Variants in STK33 observed in about 807,000 individuals in gnomAD.
STK33 encodes the protein serine/threonine kinase 33, also known as serine/threonine-protein kinase 33.
A neutral mutation model predicts 58.0 loss-of-function variants in STK33; 52 were observed. The observed-to-expected ratio is 0.90, with a 90% CI of 0.72 to 1.13. The LOEUF (loss-of-function observed/expected upper bound fraction) is 1.13, where lower values mean the gene tolerates loss of function less well. STK33 is among the 50% of genes most tolerant of loss of function. The pLI, the probability that STK33 is intolerant of heterozygous loss-of-function variation, is 0.00. For missense variants in STK33, 630 were observed against 604.2 expected, an observed-to-expected ratio of 1.04 and a Z score of -0.45; for synonymous variants, 215 against 200.1, an observed-to-expected ratio of 1.07 and a Z score of -0.63.
chr11:8,355,031 A>G, the STK33 span, among the ~76,000 whole-genome samples: 1 of 152,198 alleles, frequency 6.6e-6, no homozygotes, highest in South Asian at 2.1e-4. Flanking sequence ...TTCCGGGAGG[A>G]GGGGAACGAC....
chr11:8,451,878 A>G (rs962007235), intron 11 of STK33, among the ~76,000 whole-genome samples: 1 of 150,692 alleles, frequency 6.6e-6, no homozygotes, highest in Non-Finnish European at 1.5e-5. Flanking sequence ...TACTCCATGA[A>G]AAACTGTTTG....
intron 14 of STK33, among the ~76,000 whole-genome samples, chr11:8,432,060 A>G (rs1943487137): frequency 6.6e-6 from 1 of 152,238 alleles, no homozygotes; most frequent in Non-Finnish European, 1.5e-5. Context: ...GGCTTTAACT[A>G]TATTTTATAC....
At chr11:8,528,430 A>C (rs1200136397) in intron 1 of STK33, among the ~76,000 whole-genome samples, 1 of 152,180 alleles carries the variant, frequency 6.6e-6, no homozygotes, top group Admixed American at 6.5e-5. Flanking sequence ...CTGCTCCCTA[A>C]CTTCTTGTTT....
intron 1 of STK33, among the ~76,000 whole-genome samples, chr11:8,482,434 C>T (rs1258630692): frequency 2.0e-5 from 3 of 152,146 alleles, no homozygotes; most frequent in Non-Finnish European, 4.4e-5. Flanking sequence ...ATATCCAGCA[C>T]ACACTTTAAT....
chr11:8,335,132 G>A, the STK33 span, among the ~76,000 whole-genome samples: 3 of 152,192 alleles, frequency 2.0e-5, no homozygotes, highest in African/African-American at 7.2e-5. Context: ...GGTGGAGACC[G>A]CAGCCTGCAA....
chr11:8,399,160 A>G (rs1029208937), intron 15 of STK33, among the ~76,000 whole-genome samples: 1 of 152,232 alleles, frequency 6.6e-6, no homozygotes. Flanking sequence ...TCAACAGACT[A>G]TACATTCTTT....
chr11:8,351,389 G>A, the STK33 span, among the ~76,000 whole-genome samples: 1 of 152,212 alleles, frequency 6.6e-6, no homozygotes, highest in South Asian at 2.1e-4. Context: ...CGTGTCCAGG[G>A]CTGTGGCTTC....
At chr11:8,407,527 G>A (rs1014218782) in intron 15 of STK33, among the ~76,000 whole-genome samples, 1 of 151,920 alleles carries the variant, frequency 6.6e-6, no homozygotes, top group African/African-American at 2.4e-5. Context: ...AATACAGAAC[G>A]ATTCAGATTT....
the STK33 span, among the ~76,000 whole-genome samples, chr11:8,344,814 C>T: frequency 2.0e-5 from 3 of 152,296 alleles, no homozygotes; most frequent in Non-Finnish European, 4.4e-5. Flanking sequence ...GGGGAGGCTC[C>T]GCTCCTGGAG....
chr11:8,380,456 A>G, the STK33 span, among the ~76,000 whole-genome samples: 10 of 151,820 alleles, frequency 6.6e-5, no homozygotes, highest in South Asian at 1.0e-3. Flanking sequence ...GCTACTCAGG[A>G]GGCTGAGGCA....
At chr11:8,426,348 C>G (rs1050877678) in intron 14 of STK33, among the ~76,000 whole-genome samples, 1 of 152,242 alleles carries the variant, frequency 6.6e-6, no homozygotes, top group African/African-American at 2.4e-5. Context: ...CAATGTCCAG[C>G]TGCTTGTGCG....
At chr11:8,494,182 T>C (rs1218406903) in intron 1 of STK33, among the ~76,000 whole-genome samples, 1 of 152,202 alleles carries the variant, frequency 6.6e-6, no homozygotes, top group African/African-American at 2.4e-5. Flanking sequence ...ATGACATGAT[T>C]GTATATTTAG....
In STK33 at chr11:8,463,971, G is replaced by A. The variant is rs184650240; in HGVS notation, c.453+738C>T. 3.3e-5 allele frequency among the ~76,000 whole-genome samples: 5 copies of A among 152,238 alleles called. No individual in the cohort carries two copies. The East Asian group carries it at 9.7e-4, about 29-fold the overall frequency. ...CCTTACTAAACATTAGGGACAAATG[G>A]TATGTAATTTGCTACAGTTTGTTTT... On this transcript the variant is annotated intron_variant, in intron 7 of 15. Coordinates refer to ENST00000687296, the MANE Select transcript of STK33 (RefSeq NM_001352389.2).
chr11:8,386,130 T>C, the STK33 span, among the ~76,000 whole-genome samples: 1 of 152,112 alleles, frequency 6.6e-6, no homozygotes. Flanking sequence ...TGCCACGGGG[T>C]CTGATGCTGG....
At chr11:8,562,720 A>C (rs1258759271) in intron 1 of STK33, among the ~76,000 whole-genome samples, 1 of 152,156 alleles carries the variant, frequency 6.6e-6, no homozygotes, top group Non-Finnish European at 1.5e-5. Context: ...CTGCATTCTT[A>C]GAAGTAATAG....
At chr11:8,417,377 T>C (rs1460799483) in intron 14 of STK33, among the ~76,000 whole-genome samples, 1 of 152,142 alleles carries the variant, frequency 6.6e-6, no homozygotes, top group African/African-American at 2.4e-5. Context: ...AAGATTTGAA[T>C]TTAATCCCTT....
chr11:8,460,383 T>C (rs747050074), intron 8 of STK33, among the ~76,000 whole-genome samples: 21 of 151,920 alleles, frequency 1.4e-4, no homozygotes, highest in Non-Finnish European at 2.4e-4. Context: ...TATATAGATA[T>C]ATATATATAT....
intron 1 of STK33, among the ~76,000 whole-genome samples, chr11:8,493,047 C>G (rs1489368017): frequency 6.6e-6 from 1 of 151,944 alleles, no homozygotes; most frequent in Admixed American, 6.6e-5. Flanking sequence ...ACTAGAGAAG[C>G]AAGAGCAAAC....
At chr11:8,430,724 A>C (rs1351021210) in intron 14 of STK33, among the ~76,000 whole-genome samples, 1 of 152,138 alleles carries the variant, frequency 6.6e-6, no homozygotes, top group Non-Finnish European at 1.5e-5. Context: ...GTGGGCAGGG[A>C]CCATGCCAGA....
Sources: allele counts gnomAD v4.1 joint callset (sites outside exome capture counted in the v4.1 genomes callset), GRCh38; gene constraint gnomAD v4.1.1; transcripts MANE v1.5; gene names NCBI Gene and HGNC (gene_info 2026-07-23, HGNC 2026-07-21).